CGRRF1: variants seen among roughly 807,000 people sequenced by gnomAD.
The protein encoded by CGRRF1 is cell growth regulator with ring finger domain 1.
Under a neutral mutation model 37.2 loss-of-function variants are expected in CGRRF1, and 32 were observed. That is an observed-to-expected ratio of 0.86 (90% CI 0.65 to 1.16). The LOEUF is 1.16. Among genes scored for constraint, CGRRF1 ranks in the 50% most tolerant of loss-of-function variants. CGRRF1 has a pLI of 0.00. For missense variants in CGRRF1, 391 were observed against 382.6 expected, an observed-to-expected ratio of 1.02 and a Z score of -0.18; for synonymous variants, 141 against 140.3, an observed-to-expected ratio of 1.00 and a Z score of -0.04.
chr14:54,526,340 A>G (rs1006087093), intron 2 of CGRRF1, among the ~76,000 whole-genome samples: 12 of 151,606 alleles, frequency 7.9e-5, no homozygotes, highest in African/African-American at 2.9e-4. Context: ...TAGTAGAGAC[A>G]GGGTTTCACC....
intron 4 of CGRRF1, among the ~76,000 whole-genome samples, chr14:54,535,446 C>G (rs1354408452): frequency 6.6e-6 from 1 of 151,606 alleles, no homozygotes; most frequent in Non-Finnish European, 1.5e-5. Flanking sequence ...TTCTTATGAT[C>G]AGATCAAAGT....
Position 54,538,380 on chromosome 14 carries a change from T to C in CGRRF1, c.996T>C (p.Leu332=), listed in dbSNP as rs769742435. Residue 332 remains leucine, a synonymous_variant, in exon 6 of 6, where the codon CTT becomes CTC. Coordinates refer to ENST00000216420, the MANE Select transcript of CGRRF1 (RefSeq NM_006568.3). The part of the protein sequence containing the change: ...KEQDKDKPKT[L] ...AAGATAAAGACAAACCGAAGACTCT[T>C]TGAAGACATCGTAACACTGAAAAGT... is the stretch of plus-strand genomic sequence containing the variant. 6.2e-7 allele frequency: 1 copy of C among 1,601,624 alleles called. No individual in the cohort carries two copies. The highest frequency in any genetic ancestry group is 2.2e-5 in the East Asian group (1 of 44,578).
At position 54,539,122 on chromosome 14, in the gene CGRRF1, T is replaced by C. The variant is rs1168846201; in HGVS notation, c.*739T>C. ...GAATGTGATCTCCAGGGAAGATCTG[T>C]GAGACCTTTAATGCCTTACCTTAGA... On this transcript the variant is annotated 3_prime_UTR_variant, in exon 6 of 6. Transcript: ENST00000216420. 6.6e-6 allele frequency: 1 copy of C among 152,210 alleles called. No homozygotes were observed. Among genetic ancestry groups the C allele is most frequent in the Non-Finnish European group, 1.5e-5 (1 of 68,028 alleles). 9.4% of individuals were successfully genotyped at this position (152,210 alleles called of 1,614,324 possible).
chr14:54,530,161 A>G lies in CGRRF1; in HGVS notation c.357A>G (p.Arg119=), dbSNP rs773675799. 6.2e-7 allele frequency: 1 copy of G among 1,613,368 alleles called. No individual in the cohort carries two copies. Among genetic ancestry groups the G allele is most frequent in the East Asian group, 2.2e-5 (1 of 44,852 alleles). The change falls in exon 3 of 6, where the codon AGA becomes AGG. Residue 119 remains arginine, a synonymous_variant. Transcript: ENST00000216420. ...TGCAGAAGCATGTTTATTGCTTCAG[A>G]ATAAGCACTCCCCAAGCATTAGAAG... is the stretch of plus-strand genomic sequence containing the variant. ...EALQKHVYCF[R]ISTPQALEDA...
At chr14:54,522,676 C>T (rs1481191094) in intron 2 of CGRRF1, 83 bp downstream of exon 2, 2 of 1,283,670 alleles carry the variant, frequency 1.6e-6, no homozygotes, top group Non-Finnish European at 2.2e-6. Flanking sequence ...TATTTCTTTC[C>T]CTTCATTAGA....
At chr14:54,522,121 C>T (rs551946172) in intron 1 of CGRRF1, among the ~76,000 whole-genome samples, 1 of 152,320 alleles carries the variant, frequency 6.6e-6, no homozygotes, top group East Asian at 1.9e-4. Context: ...TCCTTCTGTA[C>T]ACTTCAAATT....
rs1218621907 is a variant in CGRRF1, at chr14:54,538,377, T to C, written c.993T>C (p.Thr331=). The change falls in exon 6 of 6, where the codon ACT becomes ACC. Residue 331 remains threonine (T), a synonymous_variant. Transcript: ENST00000216420. The part of the protein sequence containing the change: ...QKEQDKDKPK[T]L ...AGCAAGATAAAGACAAACCGAAGAC[T>C]CTTTGAAGACATCGTAACACTGAAA... The C allele has an allele frequency of 6.2e-7, 1 of 1,602,668 alleles. No homozygotes were observed. The highest frequency in any genetic ancestry group is 1.3e-5 in the African/African-American group (1 of 74,780).
At chr14:54,522,321 T>G (rs2032329760) in intron 1 of CGRRF1, 133 bp from the exon 2 acceptor site, 6 of 614,878 alleles carry the variant, frequency 9.8e-6, no homozygotes, top group Non-Finnish European at 1.3e-5. Context: ...TAAAATAACG[T>G]AAATTGAGAA....
intron 1 of CGRRF1, among the ~76,000 whole-genome samples, chr14:54,521,749 C>T (rs2032320719): frequency 6.6e-6 from 1 of 152,040 alleles, no homozygotes; most frequent in African/African-American, 2.4e-5. Context: ...TCAAGTGATC[C>T]TCCCACCTTG....
chr14:54,510,192 C>T (rs2032106773), intron 1 of CGRRF1, 129 bp downstream of exon 1: 1 of 664,596 alleles, frequency 1.5e-6, no homozygotes, highest in Non-Finnish European at 2.7e-6. Flanking sequence ...TCCCCGGGTG[C>T]CTAGAACTCC....
At position 54,531,258 on chromosome 14, in the gene CGRRF1, T is replaced by C. The variant is rs893710639; in HGVS notation, c.570+208T>C. 1.0e-5 allele frequency: 5 copies of C among 493,072 alleles called. No individual in the cohort carries two copies. In the South Asian group the frequency reaches 1.6e-4, roughly 15 times the overall value. 30.5% of individuals were successfully genotyped at this position (493,072 alleles called of 1,614,324 possible). The stretch of plus-strand genomic sequence containing the variant: ...GCCTTATGGGTCACAGTAATATGAC[T>C]TTATTTGGAAAATAAAAGATATATA... On this transcript the variant is annotated intron_variant, in intron 4 of 5. Transcript: ENST00000216420.
Position 54,538,292 on chromosome 14 carries a change from A to G in CGRRF1, c.908A>G (p.Gln303Arg). Reference sequence around the variant, plus strand: ...TGTGATGGCTGTGTGAAGTATTTTCAGCAGTGCCCAATGTGCAGGCAGTTT... The same window carrying G: ...TGTGATGGCTGTGTGAAGTATTTTCGGCAGTGCCCAATGTGCAGGCAGTTT... ...CLCDGCVKYF[Q>R]QCPMCRQFVQ... Residue 303 changes from glutamine (Q) to arginine (R), a missense_variant, in exon 6 of 6, where the codon CAG (glutamine) becomes CGG (arginine). By Grantham distance (43) the Gln-to-Arg change is conservative. Coordinates refer to ENST00000216420, the MANE Select transcript of CGRRF1 (RefSeq NM_006568.3). 1.2e-6 allele frequency: 2 copies of G among 1,614,232 alleles called. No homozygotes were observed. Among genetic ancestry groups the G allele is most frequent in the Non-Finnish European group, 1.7e-6 (2 of 1,180,028 alleles).
chr14:54,526,887 C>T (rs1419262184), intron 2 of CGRRF1, among the ~76,000 whole-genome samples: 1 of 152,216 alleles, frequency 6.6e-6, no homozygotes, highest in Non-Finnish European at 1.5e-5. Context: ...TTTATTACTG[C>T]TTCTCTCACA....
intron 4 of CGRRF1, among the ~76,000 whole-genome samples, chr14:54,535,781 G>T (rs536689879): frequency 6.6e-6 from 1 of 152,080 alleles, no homozygotes; most frequent in East Asian, 1.9e-4. Context: ...CCCTCCAGTC[G>T]GTTCTTGGCA....
intron 2 of CGRRF1, among the ~76,000 whole-genome samples, chr14:54,525,208 A>G (rs2032392971): frequency 6.6e-6 from 1 of 152,238 alleles, no homozygotes; most frequent in Admixed American, 6.5e-5. Context: ...CCTGCAGTAC[A>G]GTTCCACAGG....
intron 1 of CGRRF1, 95 bp downstream of exon 1, chr14:54,510,158 C>T: frequency 1.1e-6 from 1 of 883,776 alleles, no homozygotes; most frequent in Non-Finnish European, 1.8e-6. Flanking sequence ...GGGCCGCGGG[C>T]CGGAGGACGT....
intron 1 of CGRRF1, among the ~76,000 whole-genome samples, chr14:54,520,145 G>C (rs1418055103): frequency 6.6e-6 from 1 of 151,996 alleles, no homozygotes; most frequent in Non-Finnish European, 1.5e-5. Flanking sequence ...GTCTTGCTCT[G>C]TCGCTCAGGC....
intron 2 of CGRRF1, among the ~76,000 whole-genome samples, chr14:54,525,052 A>G (rs2032390121): frequency 6.6e-6 from 1 of 152,174 alleles, no homozygotes; most frequent in Non-Finnish European, 1.5e-5. Flanking sequence ...GTCTCAAAAA[A>G]TAAAATAAAA....
chr14:54,522,380 C>A, intron 1 of CGRRF1, 74 bp from the exon 2 acceptor site: 1 of 1,067,506 alleles, frequency 9.4e-7, no homozygotes, highest in Non-Finnish European at 1.3e-6. Flanking sequence ...GCTAATGAAG[C>A]ACAACAGATT....
Sources: allele counts gnomAD v4.1 joint callset (sites outside exome capture counted in the v4.1 genomes callset), GRCh38; gene constraint gnomAD v4.1.1; transcripts MANE v1.5; gene names NCBI Gene and HGNC (gene_info 2026-07-23, HGNC 2026-07-21).